The following RASA1 variants were observed in gnomAD, a reference collection of about 807,000 sequenced individuals.
The protein encoded by RASA1 is RAS p21 protein activator 1, also known as ras GTPase-activating protein 1.
Under a neutral mutation model 132.2 loss-of-function variants are expected in RASA1, and 25 were observed. The ratio of observed to expected loss-of-function variants is 0.19; its 90% CI spans 0.14 to 0.26. The LOEUF (loss-of-function observed/expected upper bound fraction) is 0.26, where lower values mean the gene tolerates loss of function less well. RASA1 is among the 10% of genes least tolerant of loss of function. The pLI, the probability that RASA1 is intolerant of heterozygous loss-of-function variation, is 1.00. For synonymous variants in RASA1, 477 were observed against 449.9 expected (o/e 1.06, Z -0.76); for missense variants, 964 against 1,299.2 (o/e 0.74, Z 3.97).
intron 9 of RASA1, among the ~76,000 whole-genome samples, chr5:87,361,410 AGAG>A (rs1207205812): frequency 1.3e-5 from 2 of 152,238 alleles, no homozygotes; most frequent in Non-Finnish European, 2.9e-5. Flanking sequence ...GTTTCAAGAT[AGAG>A]GATTATGAAA....
At chr5:87,333,647 A>G (rs2112372636) in intron 4 of RASA1, among the ~76,000 whole-genome samples, 1 of 152,318 alleles carries the variant, frequency 6.6e-6, no homozygotes, top group Admixed American at 6.5e-5. Context: ...ACCATGTGAC[A>G]TTTATGCCAC....
At chr5:87,344,030 GAGAT>G (rs1405721740) in intron 6 of RASA1, among the ~76,000 whole-genome samples, 2 of 152,082 alleles carry the variant, frequency 1.3e-5, no homozygotes, top group Admixed American at 6.6e-5. Context: ...TTAACTCAGG[GAGAT>G]AGATAGTAGA....
Position 87,361,208 on chromosome 5 carries a change from G to A in RASA1, c.1333-1343G>A, listed in dbSNP as rs145437749. On this transcript the variant is annotated intron_variant, in intron 9 of 24. Coordinates refer to ENST00000274376, the MANE Select transcript of RASA1 (RefSeq NM_002890.3). ...AGCATGTTAGGGAATGAGCATGGCT[G>A]TGTTCCAGTAAAACTTTATGTATAA... Among the ~76,000 whole-genome samples, 16 of 152,326 alleles carry A rather than the reference G, an allele frequency of 1.1e-4. No homozygotes were observed. The East Asian group carries it at 3.1e-3, about 29-fold the overall frequency.
intron 20 of RASA1, among the ~76,000 whole-genome samples, chr5:87,381,356 C>T (rs1170397077): frequency 6.6e-6 from 1 of 152,176 alleles, no homozygotes; most frequent in African/African-American, 2.4e-5. Flanking sequence ...GTTAAGCATA[C>T]TCCAACTAAT....
At position 87,374,151 on chromosome 5, in the gene RASA1, T is replaced by A. The variant is rs933452101; in HGVS notation, c.1777-12T>A. 3.5e-5 allele frequency: 49 copies of A among 1,413,920 alleles called. No homozygotes were observed. The highest frequency in any genetic ancestry group is 5.4e-5 in the East Asian group (2 of 37,206). The allele number at this position is 1,413,920 out of a possible 1,614,324, so 87.6% of individuals were successfully genotyped here. A position where few individuals can be genotyped will look rare whatever the true frequency, so the allele number is the denominator to read the frequency against. ...TGGGGTAATATATATATATATATTT[T>A]TTTTTTTTTAGGTCAGCAGCCTTGT... On this transcript the variant is annotated splice_polypyrimidine_tract_variant and intron_variant, in intron 13 of 24. Coordinates refer to ENST00000274376, the MANE Select transcript of RASA1 (RefSeq NM_002890.3).
At chr5:87,354,477 T>C (rs1386427108) in intron 9 of RASA1, among the ~76,000 whole-genome samples, 3 of 152,162 alleles carry the variant, frequency 2.0e-5, no homozygotes. Context: ...GAACTGCATC[T>C]GAAGAAGACT....
chr5:87,340,015 T>TAC (rs1301913571), intron 5 of RASA1, among the ~76,000 whole-genome samples: 1 of 152,168 alleles, frequency 6.6e-6, no homozygotes, highest in Non-Finnish European at 1.5e-5. Flanking sequence ...CTCTAGAATG[T>TAC]ATGCTCTCTG....
Position 87,372,158 on chromosome 5 carries a change from A to G in RASA1, c.1739A>G (p.Lys580Arg), listed in dbSNP as rs758628064. 1.2e-6 allele frequency: 2 copies of G among 1,613,730 alleles called. No individual in the cohort carries two copies. The highest frequency in any genetic ancestry group is 1.7e-5 in the Admixed American group (1 of 59,976). ...CTGCAGGCATTTTGCAATTTACGGA[A>G]AAGTAGTCCAGGGACATCCAATAAA... Reference protein sequence around the residue: ...KGLQAFCNLRKSSPGTSNKRL... With the variant: ...KGLQAFCNLRRSSPGTSNKRL... Residue 580 changes from lysine (K) to arginine (R), a missense_variant, in exon 13 of 25, where the codon AAA (lysine) becomes AGA (arginine). Around this residue, in one of 6 missense-constraint regions of RASA1, gnomAD observed 346 missense variants for 520.1 expected, o/e 0.67. Coordinates refer to ENST00000274376, the MANE Select transcript of RASA1 (RefSeq NM_002890.3).
Position 87,391,833 on chromosome 5 carries a change from T to C in RASA1, c.*950T>C, listed in dbSNP as rs1309459235. ...ATCTGCTGGATATTTAGTTCAACTGTATAGTTTTATTTACTTCTGTATGTG... is the reference window on the plus strand; with the variant it reads ...ATCTGCTGGATATTTAGTTCAACTGCATAGTTTTATTTACTTCTGTATGTG... On this transcript the variant is annotated 3_prime_UTR_variant, in exon 25 of 25. Transcript: ENST00000274376. 14 of 231,888 alleles carry C rather than the reference T, an allele frequency of 6.0e-5. No homozygotes were observed. Among genetic ancestry groups the C allele is most frequent in the Non-Finnish European group, 1.2e-4 (14 of 117,436 alleles). The allele number at this position is 231,888 out of a possible 1,614,324, so 14.4% of individuals were successfully genotyped here.
At chr5:87,309,789 TA>T (rs1324771496) in intron 1 of RASA1, among the ~76,000 whole-genome samples, 5 of 152,078 alleles carry the variant, frequency 3.3e-5, no homozygotes, top group African/African-American at 7.2e-5. Context: ...TTTATAGTAT[TA>T]AAAAAATACT....
chr5:87,367,497 A>G (rs558224748), intron 11 of RASA1, among the ~76,000 whole-genome samples: 1 of 152,288 alleles, frequency 6.6e-6, no homozygotes, highest in South Asian at 2.1e-4. Context: ...TTGGATGGCA[A>G]TGCTGTTTTC....
chr5:87,323,319 A>T (rs183560646), intron 1 of RASA1, among the ~76,000 whole-genome samples: 2 of 152,284 alleles, frequency 1.3e-5, no homozygotes, highest in Non-Finnish European at 2.9e-5. Flanking sequence ...ATAGGAGCTT[A>T]AAAAAATCTT....
chr5:87,306,267 C>T (rs1408661872), intron 1 of RASA1, among the ~76,000 whole-genome samples: 1 of 152,122 alleles, frequency 6.6e-6, no homozygotes, highest in Non-Finnish European at 1.5e-5. Context: ...TACATATATA[C>T]CATGGAATAC....
intron 17 of RASA1, among the ~76,000 whole-genome samples, chr5:87,377,618 CTTGT>C (rs1404938909): frequency 6.6e-6 from 1 of 151,972 alleles, no homozygotes; most frequent in Non-Finnish European, 1.5e-5. Context: ...GGTTACAGGT[CTTGT>C]TTAATTTTTA....
At chr5:87,379,971 G>C in intron 19 of RASA1, 121 bp downstream of exon 19, 1 of 1,056,350 alleles carries the variant, frequency 9.5e-7, no homozygotes, top group South Asian at 1.5e-5. Flanking sequence ...AAAAGTCATG[G>C]TTAATCTTTA....
intron 12 of RASA1, among the ~76,000 whole-genome samples, chr5:87,370,730 A>G (rs1174109063): frequency 6.6e-6 from 1 of 152,200 alleles, no homozygotes; most frequent in African/African-American, 2.4e-5. Flanking sequence ...ATACAAATAC[A>G]GCTAAATTTC....
At chr5:87,379,469 C>CT (rs1262826271) in intron 18 of RASA1, among the ~76,000 whole-genome samples, 5 of 152,098 alleles carry the variant, frequency 3.3e-5, no homozygotes, top group Non-Finnish European at 7.4e-5. Flanking sequence ...TTTTAATCAG[C>CT]TTTTTTTCCC....
rs149647273 is a variant in RASA1, at chr5:87,343,472, C to T, written c.1049+2151C>T. On this transcript the variant is annotated intron_variant, in intron 6 of 24. Coordinates refer to ENST00000274376, the MANE Select transcript of RASA1 (RefSeq NM_002890.3). ...AGCAGGTATATGAAAAAATGCTCAC[C>T]ATTCATTACTAATCATCAGATAAAT... 8.3e-4 allele frequency among the ~76,000 whole-genome samples: 127 copies of T among 152,192 alleles called. 2 individuals carry two copies. The East Asian group carries it at 0.022, about 26-fold the overall frequency.
chr5:87,363,616 G>T, intron 11 of RASA1, 112 bp downstream of exon 11: 1 of 1,222,252 alleles, frequency 8.2e-7, no homozygotes, highest in Admixed American at 1.9e-5. Flanking sequence ...AGTAGCAGAT[G>T]CACTTTCTAG....
Sources: allele counts gnomAD v4.1 joint callset (sites outside exome capture counted in the v4.1 genomes callset), GRCh38; gene constraint gnomAD v4.1.1; regional missense constraint gnomAD v4.1.1; transcripts MANE v1.5; gene names NCBI Gene and HGNC (gene_info 2026-07-23, HGNC 2026-07-21).